Variants in KDM2A observed in about 807,000 individuals in gnomAD.
KDM2A encodes lysine-specific demethylase 2A.
KDM2A carries 3 observed loss-of-function variants against 137.3 expected under a neutral mutation model. That is an observed-to-expected ratio of 0.02 (90% CI 0.01 to 0.06). The LOEUF is 0.06. KDM2A is among the 10% of genes least tolerant of loss of function. The pLI is 1.00. For missense variants in KDM2A, 738 were observed against 1,510.6 expected (o/e 0.49, Z 8.48); for synonymous variants, 512 against 541.5 (o/e 0.95, Z 0.76).
chr11:67,226,122 G>A (rs1449968269), intron 10 of KDM2A, among the ~76,000 whole-genome samples: 2 of 147,630 alleles, frequency 1.4e-5, no homozygotes, highest in South Asian at 2.2e-4. Context: ...CCAGGTGTAG[G>A]GGCACACACC....
intron 2 of KDM2A, among the ~76,000 whole-genome samples, chr11:67,155,937 TAAA>T (rs770113717): frequency 3.8e-5 from 4 of 104,264 alleles, no homozygotes; most frequent in Admixed American, 3.2e-4. Context: ...TTTAAACGGC[TAAA>T]AAAAAAAAAA....
intron 12 of KDM2A, among the ~76,000 whole-genome samples, chr11:67,237,071 G>A (rs1858892385): frequency 1.3e-5 from 2 of 152,120 alleles, no homozygotes; most frequent in South Asian, 4.2e-4. Context: ...TAATTCACCA[G>A]CTAATAAACT....
chr11:67,171,171 C>T (rs1387518835), intron 2 of KDM2A, among the ~76,000 whole-genome samples: 1 of 152,166 alleles, frequency 6.6e-6, no homozygotes, highest in Non-Finnish European at 1.5e-5. Flanking sequence ...TAGCCTTTAA[C>T]ATCTGTTTGA....
chr11:67,174,922 A>G (rs137941071), intron 2 of KDM2A, among the ~76,000 whole-genome samples: 1 of 152,346 alleles, frequency 6.6e-6, no homozygotes, highest in African/African-American at 2.4e-5. Flanking sequence ...CACTGGGCCT[A>G]GTGAGGACTG....
At chr11:67,122,484 G>A (rs1021369233) in intron 2 of KDM2A, among the ~76,000 whole-genome samples, 2 of 151,724 alleles carry the variant, frequency 1.3e-5, no homozygotes, top group Non-Finnish European at 2.9e-5. Flanking sequence ...GTGCCACCAC[G>A]TCCAGCTAAT....
Position 67,231,802 on chromosome 11 carries a change from C to T in KDM2A, c.1321C>T (p.Pro441Ser), listed in dbSNP as rs1858729531. The change falls in exon 12 of 21, where the codon CCC (proline) becomes TCC (serine). Residue 441 changes from proline (P) to serine (S), a missense_variant. By Grantham distance (74) the Pro-to-Ser change is moderately conservative. This residue lies in a region of KDM2A where 113 missense variants were observed against 133.5 expected (regional missense o/e 0.85). Coordinates refer to ENST00000529006, the MANE Select transcript of KDM2A (RefSeq NM_012308.3). ...CTCCCACAATGGACAAGTGTGGGAT[C>T]CCCAGTGTGCTCCCCGAAAGGACAG... is the stretch of plus-strand genomic sequence containing the variant. ...RGSHNGQVWD[P>S]QCAPRKDRQV... 1 of 1,614,010 alleles carries T rather than the reference C, an allele frequency of 6.2e-7. No individual in the cohort carries two copies. The highest frequency in any genetic ancestry group is 8.5e-7 in the Non-Finnish European group (1 of 1,179,890).
chr11:67,245,033 G>T lies in KDM2A; in HGVS notation c.1564-156G>T. ...CATTGATAATACATACACAAGATGAGTTGTGTGTCAATAAAATTTATTCTA... is the reference window on the plus strand; with the variant it reads ...CATTGATAATACATACACAAGATGATTTGTGTGTCAATAAAATTTATTCTA... On this transcript the variant is annotated intron_variant, in intron 13 of 20. Coordinates refer to ENST00000529006, the MANE Select transcript of KDM2A (RefSeq NM_012308.3). The surrounding 1 kb of genome is among the most constrained non-coding windows in gnomAD (Gnocchi z 4.1). The T allele has an allele frequency of 1.4e-6, 1 of 739,358 alleles. No individual in the cohort carries two copies. The highest frequency in any genetic ancestry group is 2.2e-6 in the Non-Finnish European group (1 of 446,444). The allele number at this position is 739,358 out of a possible 1,614,324, so 45.8% of individuals were successfully genotyped here. A position where few individuals can be genotyped will look rare whatever the true frequency, so the allele number is the denominator to read the frequency against.
chr11:67,191,933 T>C (rs982909870), intron 5 of KDM2A, among the ~76,000 whole-genome samples: 1 of 152,204 alleles, frequency 6.6e-6, no homozygotes, highest in Admixed American at 6.5e-5. Context: ...TTATTTGTTA[T>C]TAGTATTTTT....
Position 67,248,317 on chromosome 11 carries a change from A to G in KDM2A, c.2002A>G (p.Asn668Asp). The change falls in exon 16 of 21, where the codon AAT becomes GAT. Residue 668 changes from asparagine (N) to aspartate (D), a missense_variant. Around this residue, in one of 9 missense-constraint regions of KDM2A, gnomAD observed 20 missense variants for 62.3 expected, o/e 0.32. Transcript: ENST00000529006. The part of the protein sequence containing the change: ...GEGLLNEELP[N>D]CWECPKCYQE... The stretch of plus-strand genomic sequence containing the variant: ...GGGGTTGCTTAACGAAGAATTGCCA[A>G]ATTGCTGGGAATGTCCAAAGTGCTA... 1 of 1,608,912 alleles carries G rather than the reference A, an allele frequency of 6.2e-7. No individual in the cohort carries two copies. Among genetic ancestry groups the G allele is most frequent in the Non-Finnish European group, 8.5e-7 (1 of 1,177,602 alleles).
chr11:67,148,851 C>T (rs951564581), intron 2 of KDM2A, among the ~76,000 whole-genome samples: 6 of 151,952 alleles, frequency 3.9e-5, no homozygotes, highest in East Asian at 1.9e-4. Context: ...CCCTAAAGTG[C>T]GATTCAGCTG....
chr11:67,195,786 GCTTGTCCT>G (rs1421870477), intron 5 of KDM2A: 8 of 196,004 alleles, frequency 4.1e-5, no homozygotes, highest in African/African-American at 1.9e-4. Context: ...ACAATTGTCA[GCTTGTCCT>G]AATTTAGTTA....
chr11:67,253,962 A>G (rs1859520415), intron 19 of KDM2A, among the ~76,000 whole-genome samples: 2 of 152,218 alleles, frequency 1.3e-5, no homozygotes, highest in East Asian at 1.9e-4. Context: ...CATTCTGCAC[A>G]TAGCCTTTTG....
chr11:67,159,950 A>C (rs919413938), intron 2 of KDM2A, among the ~76,000 whole-genome samples: 1 of 152,228 alleles, frequency 6.6e-6, no homozygotes, highest in African/African-American at 2.4e-5. Flanking sequence ...TATTGATTGC[A>C]TAACAATATG....
chr11:67,248,264 T>C lies in KDM2A; in HGVS notation c.1966-17T>C. 2 of 1,572,182 alleles carry C rather than the reference T, an allele frequency of 1.3e-6. No individual in the cohort carries two copies. Among genetic ancestry groups the C allele is most frequent in the Non-Finnish European group, 1.7e-6 (2 of 1,150,034 alleles). On this transcript the variant is annotated splice_polypyrimidine_tract_variant and intron_variant, in intron 15 of 20. Transcript: ENST00000529006. ...CTTGAGAGACAGGCTTTTAAAAACA[T>C]CTCTGTCTTCCTATAGATGGACGGA...
chr11:67,245,070 TG>T lies in KDM2A; in HGVS notation c.1564-116del. ...TAAAATTTATTCTAGAAACAAGCAGTGGGCAGATCTGGCCATAGTGGGCCAA... is the reference window on the plus strand; with the variant it reads ...TAAAATTTATTCTAGAAACAAGCAGTGGCAGATCTGGCCATAGTGGGCCAA... On this transcript the variant is annotated intron_variant, in intron 13 of 20. Transcript: ENST00000529006. The surrounding 1 kb of genome is among the most constrained non-coding windows in gnomAD (Gnocchi z 4.1). The T allele has an allele frequency of 9.8e-7, 1 of 1,015,312 alleles. No individual in the cohort carries two copies. Among genetic ancestry groups the T allele is most frequent in the Non-Finnish European group, 1.5e-6 (1 of 688,726 alleles). 62.9% of individuals were successfully genotyped at this position (1,015,312 alleles called of 1,614,324 possible).
intron 11 of KDM2A, among the ~76,000 whole-genome samples, chr11:67,230,438 G>A (rs1858675222): frequency 6.6e-6 from 1 of 152,088 alleles, no homozygotes; most frequent in Admixed American, 6.6e-5. Context: ...GACCAGCCTG[G>A]GCAACATGAC....
chr11:67,231,897 A>G lies in KDM2A; in HGVS notation c.1416A>G (p.Pro472=), dbSNP rs1230496073. 9 of 1,613,930 alleles carry G rather than the reference A, an allele frequency of 5.6e-6. No individual in the cohort carries two copies. The Admixed American group carries it at 8.3e-5, about 15-fold the overall frequency. ...RCLVDKLESL[P]LHKKCVPTGI... The stretch of plus-strand genomic sequence containing the variant: ...TTGTAGATAAGTTGGAGTCTCTGCC[A>G]CTGCACAAGAAATGTGTCCCCACAG... Residue 472 remains proline, a synonymous_variant, in exon 12 of 21, where the codon CCA becomes CCG. Coordinates refer to ENST00000529006, the MANE Select transcript of KDM2A (RefSeq NM_012308.3).
chr11:67,244,932 GCCGAGATCATGCCA>G, intron 13 of KDM2A: 1 of 395,806 alleles, frequency 2.5e-6, no homozygotes. Context: ...CTTGCAGTGA[GCCGAGATCATGCCA>G]CTGTATTCCA....
Position 67,245,701 on chromosome 11 carries a change from A to G in KDM2A, c.1833+243A>G. On this transcript the variant is annotated intron_variant, in intron 14 of 20. Transcript: ENST00000529006. The surrounding 1 kb of genome is among the most constrained non-coding windows in gnomAD (Gnocchi z 4.1). Reference sequence around the variant, plus strand: ...CAAGAGATTAGCATTTGAAGGGCAAATCATTGCTTTCTTTCCCCTCTTCAG... The same window carrying G: ...CAAGAGATTAGCATTTGAAGGGCAAGTCATTGCTTTCTTTCCCCTCTTCAG... The G allele has an allele frequency of 1.7e-6, 1 of 605,834 alleles. No homozygotes were observed. The highest frequency in any genetic ancestry group is 2.9e-6 in the Non-Finnish European group (1 of 350,458). 37.5% of individuals were successfully genotyped at this position (605,834 alleles called of 1,614,324 possible). A position where few individuals can be genotyped will look rare whatever the true frequency, so the allele number is the denominator to read the frequency against.
Sources: gnomAD v4.1 joint callset for allele counts (sites outside exome capture counted in the v4.1 genomes callset) on GRCh38, gnomAD v4.1.1 for gene constraint, gnomAD v4.1.1 regional missense constraint, Gnocchi (gnomAD v3.1) non-coding constraint, MANE v1.5 for transcripts, NCBI Gene and HGNC (gene_info 2026-07-23, HGNC 2026-07-21) for gene names.